The following LIN7A variants were observed in gnomAD, a reference collection of about 807,000 sequenced individuals.
The protein encoded by LIN7A is protein lin-7 homolog A.
LIN7A carries 25 observed loss-of-function variants against 29.8 expected under a neutral mutation model. The observed-to-expected ratio is 0.84, with a 90% CI of 0.61 to 1.17. The LOEUF (loss-of-function observed/expected upper bound fraction) is 1.17, where lower values mean the gene tolerates loss of function less well. LIN7A is among the 50% of genes most tolerant of loss of function. The pLI is 0.00. For synonymous variants in LIN7A, 118 were observed against 107.5 expected (o/e 1.10, Z -0.60); for missense variants, 239 against 287.0 (o/e 0.83, Z 1.21).
chr12:80,916,077 A>G (rs1239185643), intron 1 of LIN7A, among the ~76,000 whole-genome samples: 1 of 152,208 alleles, frequency 6.6e-6, no homozygotes, highest in African/African-American at 2.4e-5. Flanking sequence ...TCCAAAGGCA[A>G]CCAGAATTTG....
At chr12:80,903,731 G>A (rs894246634) in intron 1 of LIN7A, among the ~76,000 whole-genome samples, 1 of 151,778 alleles carries the variant, frequency 6.6e-6, no homozygotes, top group Admixed American at 6.6e-5. Context: ...AATAGTAGTA[G>A]AGTTCTATTT....
At chr12:80,858,779 G>A (rs1411375179) in intron 2 of LIN7A, among the ~76,000 whole-genome samples, 1 of 152,096 alleles carries the variant, frequency 6.6e-6, no homozygotes, top group African/African-American at 2.4e-5. Flanking sequence ...TTTTATGAAG[G>A]ATTGTGAAGT....
At chr12:80,930,445 G>A (rs1483412743) in intron 1 of LIN7A, among the ~76,000 whole-genome samples, 2 of 152,124 alleles carry the variant, frequency 1.3e-5, no homozygotes, top group Non-Finnish European at 2.9e-5. Context: ...TGGTAGTGCA[G>A]AGTGAGTTCA....
chr12:80,912,043 C>G (rs567749731), intron 1 of LIN7A, among the ~76,000 whole-genome samples: 2 of 152,044 alleles, frequency 1.3e-5, no homozygotes, highest in South Asian at 4.2e-4. Context: ...TTTAATAAGC[C>G]TTAGGAATTC....
chr12:80,852,723 T>C (rs1201658741), intron 2 of LIN7A, among the ~76,000 whole-genome samples: 1 of 152,186 alleles, frequency 6.6e-6, no homozygotes, highest in Non-Finnish European at 1.5e-5. Flanking sequence ...ACTTTTATAG[T>C]AGAGGTTTAT....
intron 2 of LIN7A, among the ~76,000 whole-genome samples, chr12:80,878,568 T>C (rs1874843364): frequency 6.6e-6 from 1 of 152,178 alleles, no homozygotes; most frequent in Non-Finnish European, 1.5e-5. Context: ...AGATTTATTC[T>C]GAAGAGAGAA....
Position 80,937,707 on chromosome 12 carries a change from C to T in LIN7A, c.16G>A (p.Val6Ile), listed in dbSNP as rs755688660. 2.6e-6 allele frequency: 4 copies of T among 1,516,480 alleles called. No individual in the cohort carries two copies. The highest frequency in any genetic ancestry group is 2.6e-5 in the East Asian group (1 of 38,006). 93.9% of individuals were successfully genotyped at this position (1,516,480 alleles called of 1,614,324 possible). ...ATGTCTGCCGTGGGAGCCGAAGTGA[C>T]GCTCGGCTTCAGCATCAGCAACCGC... MLKPS[V>I]TSAPTADMAT... The change falls in exon 1 of 6, where the codon GTC becomes ATC. Residue 6 changes from valine to isoleucine, a missense_variant. By Grantham distance (29) the Val-to-Ile change is conservative (BLOSUM62 3). Coordinates refer to ENST00000552864, the MANE Select transcript of LIN7A (RefSeq NM_004664.4).
At chr12:80,866,496 A>C (rs918141076) in intron 2 of LIN7A, among the ~76,000 whole-genome samples, 8 of 152,126 alleles carry the variant, frequency 5.3e-5, no homozygotes, top group Non-Finnish European at 8.8e-5. Flanking sequence ...TGAAAAACTC[A>C]GATAGAAATG....
intron 2 of LIN7A, among the ~76,000 whole-genome samples, chr12:80,877,868 GAA>G (rs1169752162): frequency 2.3e-5 from 3 of 129,734 alleles, no homozygotes; most frequent in African/African-American, 2.8e-5. Context: ...GCACTGGGAA[GAA>G]AAAAAAAAAA....
intron 1 of LIN7A, among the ~76,000 whole-genome samples, chr12:80,907,479 C>T (rs537558952): frequency 1.2e-4 from 19 of 152,266 alleles, no homozygotes; most frequent in African/African-American, 3.6e-4. Context: ...GTCCTTGTTT[C>T]TAGTCCTAAA....
At chr12:80,825,605 A>T (rs1345552499) in intron 4 of LIN7A, among the ~76,000 whole-genome samples, 1 of 152,202 alleles carries the variant, frequency 6.6e-6, no homozygotes, top group Non-Finnish European at 1.5e-5. Context: ...ACCTAGAAAA[A>T]GGCTTAGCCT....
chr12:80,844,751 G>A (rs1288395119), intron 4 of LIN7A, among the ~76,000 whole-genome samples: 1 of 147,094 alleles, frequency 6.8e-6, no homozygotes, highest in African/African-American at 2.5e-5. Context: ...ATTACAAGTG[G>A]AAGTGGTGGC....
At chr12:80,826,787 T>C (rs1014837727) in intron 4 of LIN7A, among the ~76,000 whole-genome samples, 1 of 152,182 alleles carries the variant, frequency 6.6e-6, no homozygotes, top group Non-Finnish European at 1.5e-5. Context: ...TCTCCCAAAG[T>C]GCTGGGATTA....
intron 5 of LIN7A, among the ~76,000 whole-genome samples, chr12:80,798,836 G>A (rs945588872): frequency 6.6e-6 from 1 of 150,552 alleles, no homozygotes; most frequent in South Asian, 2.1e-4. Flanking sequence ...AGACTCAAGC[G>A]ATTCTTCTGC....
chr12:80,841,137 A>G (rs1872785599), intron 4 of LIN7A, among the ~76,000 whole-genome samples: 1 of 151,990 alleles, frequency 6.6e-6, no homozygotes, highest in Non-Finnish European at 1.5e-5. Flanking sequence ...TTCCTCATAT[A>G]CAAGGTTGCT....
intron 5 of LIN7A, among the ~76,000 whole-genome samples, chr12:80,808,969 C>T (rs1871165525): frequency 7.6e-6 from 1 of 132,008 alleles, no homozygotes; most frequent in Non-Finnish European, 1.6e-5. Flanking sequence ...TGTGTAGCTT[C>T]TTCTTTTCAT....
chr12:80,834,129 T>G (rs1846913998), intron 4 of LIN7A, among the ~76,000 whole-genome samples: 1 of 152,130 alleles, frequency 6.6e-6, no homozygotes, highest in South Asian at 2.1e-4. Context: ...GATGTCACAT[T>G]TTACTCGATT....
At chr12:80,925,298 G>A (rs922808225) in intron 1 of LIN7A, among the ~76,000 whole-genome samples, 1 of 152,188 alleles carries the variant, frequency 6.6e-6, no homozygotes, top group Non-Finnish European at 1.5e-5. Flanking sequence ...AGAGCAGAAT[G>A]GCAAATTAGG....
At chr12:80,815,957 C>T (rs1565887772) in intron 4 of LIN7A, among the ~76,000 whole-genome samples, 1 of 151,988 alleles carries the variant, frequency 6.6e-6, no homozygotes, top group African/African-American at 2.4e-5. Flanking sequence ...CAGAAAAACC[C>T]CTAAAAAGAA....
Sources: allele counts gnomAD v4.1 joint callset (sites outside exome capture counted in the v4.1 genomes callset), GRCh38; gene constraint gnomAD v4.1.1; transcripts MANE v1.5; gene names NCBI Gene and HGNC (gene_info 2026-07-23, HGNC 2026-07-21).